GHR: variants seen among roughly 807,000 people sequenced by gnomAD.
The protein encoded by GHR is growth hormone receptor, also known as GH receptor.
GHR carries 35 observed loss-of-function variants against 67.1 expected under a neutral mutation model. The observed-to-expected ratio is 0.52, with a 90% CI of 0.40 to 0.69. GHR has a LOEUF of 0.69. Among genes scored for constraint, GHR ranks in the 30% least tolerant of loss-of-function variants. The pLI is 0.00. For missense variants in GHR, 792 were observed against 764.6 expected (o/e 1.04, Z -0.42); for synonymous variants, 272 against 269.1 (o/e 1.01, Z -0.10).
rs546895099 is a variant in GHR, at chr5:42,482,617, A to G, written c.-12+58662A>G. Among the ~76,000 whole-genome samples, 29 of 152,196 alleles carry G rather than the reference A, an allele frequency of 1.9e-4. No individual in the cohort carries two copies. In the East Asian group the frequency reaches 5.5e-3, roughly 29 times the overall value. ...TCCCCCAGCCTCGCTGCCGCCTTGCAGTTCAATCTTAGACTGCTGTGCTAG... is the reference window on the plus strand; with the variant it reads ...TCCCCCAGCCTCGCTGCCGCCTTGCGGTTCAATCTTAGACTGCTGTGCTAG... On this transcript the variant is annotated intron_variant, in intron 1 of 9. Transcript: ENST00000230882.
At chr5:42,516,784 GA>G (rs1284776262) in intron 1 of GHR, among the ~76,000 whole-genome samples, 1 of 152,194 alleles carries the variant, frequency 6.6e-6, no homozygotes, top group Non-Finnish European at 1.5e-5. Context: ...CAGAAGTGTA[GA>G]CCTATGTGAC....
In GHR at chr5:42,719,380, T is replaced by C. The variant is rs1386435969; in HGVS notation, c.1873T>C (p.Cys625Arg). The C allele has an allele frequency of 3.1e-6, 5 of 1,613,948 alleles. No homozygotes were observed. In the South Asian group the frequency reaches 3.3e-5, roughly 11 times the overall value. ...GCCTGACAAAGAGTTTCTCTCATCATGTGGCTATGTGAGCACAGACCAACT... is the reference window on the plus strand; with the variant it reads ...GCCTGACAAAGAGTTTCTCTCATCACGTGGCTATGTGAGCACAGACCAACT... Reference protein sequence around the residue: ...PLPDKEFLSSCGYVSTDQLNK... With the variant: ...PLPDKEFLSSRGYVSTDQLNK... Residue 625 changes from cysteine (C) to arginine (R), a missense_variant, in exon 10 of 10, where the codon TGT becomes CGT. Physicochemically the swap from Cys to Arg is radical, Grantham distance 180. Transcript: ENST00000230882.
chr5:42,427,900 A>G (rs1190672899), intron 1 of GHR, among the ~76,000 whole-genome samples: 1 of 152,188 alleles, frequency 6.6e-6, no homozygotes, highest in African/African-American at 2.4e-5. Flanking sequence ...CTTTGACTTC[A>G]TGTCTCACAT....
chr5:42,530,878 CTGTA>C (rs1201103860), intron 1 of GHR, among the ~76,000 whole-genome samples: 1 of 152,202 alleles, frequency 6.6e-6, no homozygotes, highest in Non-Finnish European at 1.5e-5. Context: ...GGGGGTATCA[CTGTA>C]TGACATGCCG....
intron 2 of GHR, among the ~76,000 whole-genome samples, chr5:42,619,270 C>CTTTG (rs766726042): frequency 3.3e-5 from 5 of 152,006 alleles, no homozygotes; most frequent in Non-Finnish European, 5.9e-5. Context: ...TCTTGCACCT[C>CTTTG]CACAACCTCA....
chr5:42,466,023 AT>A, intron 1 of GHR: 2 of 519,082 alleles, frequency 3.9e-6, no homozygotes, highest in Admixed American at 3.1e-5. Context: ...TGTGTTTTTT[AT>A]TTTTCCTCTA....
intron 4 of GHR, among the ~76,000 whole-genome samples, chr5:42,694,635 G>A (rs1757580623): frequency 6.6e-6 from 1 of 152,072 alleles, no homozygotes; most frequent in Non-Finnish European, 1.5e-5. Context: ...GCATAATAAA[G>A]TACCTACCAT....
At chr5:42,624,114 A>T (rs965427642) in intron 2 of GHR, among the ~76,000 whole-genome samples, 27 of 152,324 alleles carry the variant, frequency 1.8e-4, no homozygotes, top group African/African-American at 6.0e-4. Flanking sequence ...GATTCATTAC[A>T]TATTTTCAGG....
intron 3 of GHR, among the ~76,000 whole-genome samples, chr5:42,654,563 G>A (rs764179864): frequency 1.3e-5 from 2 of 152,046 alleles, no homozygotes; most frequent in Non-Finnish European, 1.5e-5. Flanking sequence ...TAGGCCAATA[G>A]CAGAGCCTCT....
intron 3 of GHR, among the ~76,000 whole-genome samples, chr5:42,656,772 C>A (rs1755277215): frequency 2.0e-5 from 3 of 152,234 alleles, no homozygotes; most frequent in South Asian, 4.1e-4. Flanking sequence ...TACTTTATTC[C>A]AGCAAATTTA....
At chr5:42,654,286 A>G (rs1755144402) in intron 3 of GHR, among the ~76,000 whole-genome samples, 1 of 152,126 alleles carries the variant, frequency 6.6e-6, no homozygotes, top group African/African-American at 2.4e-5. Context: ...GGTTTTCTTG[A>G]GCATTAAACG....
intron 1 of GHR, among the ~76,000 whole-genome samples, chr5:42,429,804 A>C (rs1579681984): frequency 6.6e-6 from 1 of 152,212 alleles, no homozygotes; most frequent in South Asian, 2.1e-4. Flanking sequence ...CATGTTATAG[A>C]CAGGTAGGGA....
At position 42,455,408 on chromosome 5, in the gene GHR, A is replaced by C. The variant is rs1744221271; in HGVS notation, c.-12+31453A>C. ...GAGATGTATGTTAGCCCTGCCTGCT[A>C]TCTGCCATCTTTCTTCTGTCCCCAA... On this transcript the variant is annotated intron_variant, in intron 1 of 9. Coordinates refer to ENST00000230882, the MANE Select transcript of GHR (RefSeq NM_000163.5). Among the ~76,000 whole-genome samples the C allele has an allele frequency of 2.0e-5, 3 of 152,152 alleles. No homozygotes were observed. The South Asian group carries it at 6.2e-4, about 32-fold the overall frequency.
chr5:42,623,428 T>C, intron 2 of GHR, among the ~76,000 whole-genome samples: 1 of 152,152 alleles, frequency 6.6e-6, no homozygotes, highest in Non-Finnish European at 1.5e-5. Flanking sequence ...TGCCCCTGCT[T>C]CTTCCCTAAT....
At chr5:42,683,627 C>G (rs1756994428) in intron 3 of GHR, among the ~76,000 whole-genome samples, 1 of 151,368 alleles carries the variant, frequency 6.6e-6, no homozygotes, top group Admixed American at 6.7e-5. Context: ...CAGCACATAC[C>G]CAGCCATAAA....
At chr5:42,612,106 A>C (rs1163450653) in intron 2 of GHR, among the ~76,000 whole-genome samples, 1 of 152,180 alleles carries the variant, frequency 6.6e-6, no homozygotes, top group Non-Finnish European at 1.5e-5. Flanking sequence ...GGATAATAGT[A>C]TGTGGCCACA....
At chr5:42,471,717 G>A (rs1031318299) in intron 1 of GHR, among the ~76,000 whole-genome samples, 10 of 152,134 alleles carry the variant, frequency 6.6e-5, no homozygotes, top group South Asian at 2.1e-4. Flanking sequence ...AGTACTATAC[G>A]TCTTTGTTTA....
chr5:42,612,805 T>A (rs1055564079), intron 2 of GHR, among the ~76,000 whole-genome samples: 1 of 152,104 alleles, frequency 6.6e-6, no homozygotes, highest in Non-Finnish European at 1.5e-5. Flanking sequence ...AACTGCACCT[T>A]CCAGGAGAGA....
intron 2 of GHR, among the ~76,000 whole-genome samples, chr5:42,596,359 G>T (rs13175765): frequency 0.12 from 18,722 of 151,888 alleles, 1,585 homozygotes; most frequent in Non-Finnish European, 0.17. Context: ...ATTGCTTTAA[G>T]AATGTTTTAT....
Sources: gnomAD v4.1 joint callset for allele counts (sites outside exome capture counted in the v4.1 genomes callset) on GRCh38, gnomAD v4.1.1 for gene constraint, MANE v1.5 for transcripts, NCBI Gene and HGNC (gene_info 2026-07-23, HGNC 2026-07-21) for gene names.